CNST: variants seen among roughly 807,000 people sequenced by gnomAD.
The protein encoded by CNST is consortin.
Under a neutral mutation model 72.4 loss-of-function variants are expected in CNST, and 39 were observed. The ratio of observed to expected loss-of-function variants is 0.54; its 90% CI spans 0.42 to 0.70. CNST has a LOEUF of 0.70. Ranked by LOEUF, CNST falls within the 30% of genes least tolerant of loss-of-function variation. The pLI, the probability that CNST is intolerant of heterozygous loss-of-function variation, is 0.00. For missense variants in CNST, 871 were observed against 868.5 expected (o/e 1.00, Z -0.04); for synonymous variants, 332 against 320.1 (o/e 1.04, Z -0.40).
intron 5 of CNST, 95 bp from the exon 6 acceptor site, chr1:246,634,378 A>T: frequency 1.5e-6 from 1 of 678,316 alleles, no homozygotes; most frequent in East Asian, 2.8e-5. Context: ...TTGCATGCAA[A>T]TCTTTATGAG....
chr1:246,666,019 G>A lies in CNST; in HGVS notation c.*114G>A. ...CCCCCTTCCCTCTGTTAGGAACCAAGGACATCAGAAATAGCAACTTTAAGT... is the reference window on the plus strand; with the variant it reads ...CCCCCTTCCCTCTGTTAGGAACCAAAGACATCAGAAATAGCAACTTTAAGT... On this transcript the variant is annotated 3_prime_UTR_variant, in exon 11 of 11. Coordinates refer to ENST00000366513, the MANE Select transcript of CNST (RefSeq NM_152609.3). 2.7e-6 allele frequency: 2 copies of A among 736,808 alleles called. No homozygotes were observed. Among genetic ancestry groups the A allele is most frequent in the Non-Finnish European group, 4.4e-6 (2 of 456,944 alleles). 45.6% of individuals were successfully genotyped at this position (736,808 alleles called of 1,614,324 possible).
At chr1:246,633,461 A>AT (rs1664910959) in intron 4 of CNST, among the ~76,000 whole-genome samples, 1 of 145,002 alleles carries the variant, frequency 6.9e-6, no homozygotes, top group Non-Finnish European at 1.5e-5. Context: ...AAAAAAAAAA[A>AT]GCTGGACGCA....
intron 1 of CNST, among the ~76,000 whole-genome samples, chr1:246,585,682 CACACACA>C (rs1661116436): frequency 1.5e-5 from 2 of 131,550 alleles, no homozygotes; most frequent in African/African-American, 6.6e-5. Flanking sequence ...CACACACACA[CACACACA>C]CACACACACA....
intron 8 of CNST, among the ~76,000 whole-genome samples, chr1:246,645,148 AG>A (rs1381267213): frequency 6.6e-6 from 1 of 152,150 alleles, no homozygotes; most frequent in Admixed American, 6.5e-5. Context: ...AGCAGCCCGA[AG>A]TTGAGTGGCA....
chr1:246,621,542 G>T lies in CNST; in HGVS notation c.493G>T (p.Ala165Ser). 6.2e-7 allele frequency: 1 copy of T among 1,614,186 alleles called. No homozygotes were observed. Among genetic ancestry groups the T allele is most frequent in the Non-Finnish European group, 8.5e-7 (1 of 1,180,022 alleles). ...AGTAAATGCTAATGAGCAGCCAGAG[G>T]CGCCAAAGCTTGTTCTGCAGTCTCT... ...AEVNANEQPE[A>S]PKLVLQSLFS... The change falls in exon 3 of 11, where the codon GCG (alanine) becomes TCG (serine). Residue 165 changes from alanine (A) to serine (S), a missense_variant. Physicochemically the swap from Ala to Ser is moderately conservative, Grantham distance 99. Transcript: ENST00000366513.
intron 2 of CNST, chr1:246,605,822 C>T (rs1455913326): frequency 1.2e-5 from 1 of 86,412 alleles, no homozygotes; most frequent in Non-Finnish European, 2.9e-5. Context: ...GTCTTCCAGC[C>T]GGGGTAGGTG....
At position 246,610,918 on chromosome 1, in the gene CNST, G is replaced by A. The variant is rs149099314; in HGVS notation, c.380-10511G>A. On this transcript the variant is annotated intron_variant, in intron 2 of 10. Transcript: ENST00000366513. ...CCTGGCTTTAGATTGTCTAGTTTAT[G>A]CCTCAACCGTATTTTTTTTGCACCC... 5.5e-4 allele frequency among the ~76,000 whole-genome samples: 84 copies of A among 152,222 alleles called. 1 individual carries two copies. Among genetic ancestry groups the A allele is most frequent in the African/African-American group, 2.0e-3 (82 of 41,520 alleles).
At chr1:246,622,361 A>G (rs1176812308) in intron 3 of CNST, among the ~76,000 whole-genome samples, 1 of 152,208 alleles carries the variant, frequency 6.6e-6, no homozygotes, top group Non-Finnish European at 1.5e-5. Flanking sequence ...TAGAGTAAAC[A>G]TATGTTAAAG....
At chr1:246,634,076 A>T (rs771162957) in intron 5 of CNST, 66 bp downstream of exon 5, 292 of 1,011,968 alleles carry the variant, frequency 2.9e-4, no homozygotes, top group Middle Eastern at 6.1e-4. Flanking sequence ...CTACAAAATT[A>T]ACATATTTGA....
chr1:246,660,758 G>A (rs573101336), intron 10 of CNST, among the ~76,000 whole-genome samples: 224 of 152,190 alleles, frequency 1.5e-3, no homozygotes, highest in African/African-American at 4.9e-3. Flanking sequence ...AAAAGAATAT[G>A]TCAGTTTAGT....
chr1:246,660,185 A>G lies in CNST; in HGVS notation c.1837-14A>G, dbSNP rs1667010933. The G allele has an allele frequency of 6.3e-7, 1 of 1,596,044 alleles. No homozygotes were observed. Among genetic ancestry groups the G allele is most frequent in the African/African-American group, 1.4e-5 (1 of 73,824 alleles). On this transcript the variant is annotated splice_polypyrimidine_tract_variant and intron_variant, in intron 9 of 10. Transcript: ENST00000366513. ...CTTAATAAAAGAATTATAGGTTCTT[A>G]TAATTTCTGACAGGTTGTTCCTACT...
At chr1:246,632,899 G>C (rs778574262) in intron 4 of CNST, among the ~76,000 whole-genome samples, 13 of 152,284 alleles carry the variant, frequency 8.5e-5, no homozygotes, top group Non-Finnish European at 1.6e-4. Flanking sequence ...TAAGGATCAA[G>C]GTGACTTGAA....
chr1:246,636,224 G>A (rs1434742768), intron 6 of CNST, among the ~76,000 whole-genome samples: 5 of 151,960 alleles, frequency 3.3e-5, no homozygotes, highest in Non-Finnish European at 7.3e-5. Context: ...TTGACTGTTA[G>A]GGTTTGGTGA....
At chr1:246,589,119 TTTA>T (rs1661375596) in intron 1 of CNST, among the ~76,000 whole-genome samples, 2 of 151,986 alleles carry the variant, frequency 1.3e-5, no homozygotes, top group South Asian at 2.1e-4. Context: ...TTTATTTTAT[TTTA>T]TTATTATTAT....
chr1:246,624,073 A>G (rs761635553), intron 3 of CNST, among the ~76,000 whole-genome samples: 11 of 152,242 alleles, frequency 7.2e-5, no homozygotes, highest in South Asian at 4.1e-4. Context: ...AAAATAGACA[A>G]ACAAAAAGTT....
chr1:246,599,837 A>T (rs138719710), intron 2 of CNST, among the ~76,000 whole-genome samples: 1 of 152,324 alleles, frequency 6.6e-6, no homozygotes, highest in East Asian at 1.9e-4. Flanking sequence ...TATTTTGTAG[A>T]CCCGTACAGG....
Position 246,639,423 on chromosome 1 carries a change from C to T in CNST, c.819-2326C>T, listed in dbSNP as rs570757521. Among the ~76,000 whole-genome samples the T allele has an allele frequency of 1.4e-3, 217 of 152,124 alleles. 6 individuals carry two copies. The South Asian group carries it at 0.038, about 27-fold the overall frequency. ...AAGAGAGAATTTCTTGCTTAGTTTG[C>T]GGAGGTGGGAGGAACTGGAGGAGCA... is the stretch of plus-strand genomic sequence containing the variant. On this transcript the variant is annotated intron_variant, in intron 6 of 10. Coordinates refer to ENST00000366513, the MANE Select transcript of CNST (RefSeq NM_152609.3).
At chr1:246,616,084 C>T (rs1228755959) in intron 2 of CNST, among the ~76,000 whole-genome samples, 6 of 152,126 alleles carry the variant, frequency 3.9e-5, no homozygotes, top group Non-Finnish European at 7.4e-5. Flanking sequence ...TCACGGATGA[C>T]AACGATAAAT....
intron 1 of CNST, among the ~76,000 whole-genome samples, chr1:246,590,853 C>T: frequency 7.5e-6 from 1 of 134,038 alleles, no homozygotes; most frequent in Non-Finnish European, 1.6e-5. Context: ...TAGAGTTAAC[C>T]ATGGCCTTTT....
Sources: gnomAD v4.1 joint callset for allele counts (sites outside exome capture counted in the v4.1 genomes callset) on GRCh38, gnomAD v4.1.1 for gene constraint, MANE v1.5 for transcripts, NCBI Gene and HGNC (gene_info 2026-07-23, HGNC 2026-07-21) for gene names.